The following WDR70 variants were observed in gnomAD, a reference collection of about 807,000 sequenced individuals.
The protein encoded by WDR70 is WD repeat-containing protein 70.
Under a neutral mutation model 88.6 loss-of-function variants are expected in WDR70, and 53 were observed. The observed-to-expected ratio is 0.60, with a 90% CI of 0.48 to 0.75. The LOEUF (loss-of-function observed/expected upper bound fraction) is 0.75, where lower values mean the gene tolerates loss of function less well. Among genes scored for constraint, WDR70 ranks in the 30% least tolerant of loss-of-function variants. WDR70 has a pLI of 0.00. For missense variants in WDR70, 610 were observed against 823.2 expected (o/e 0.74, Z 3.17); for synonymous variants, 280 against 270.0 (o/e 1.04, Z -0.36).
At position 37,752,672 on chromosome 5, in the gene WDR70, A is replaced by G. The variant is rs571873320; in HGVS notation, c.*99A>G. On this transcript the variant is annotated 3_prime_UTR_variant, in exon 18 of 18. Coordinates refer to ENST00000265107, the MANE Select transcript of WDR70 (RefSeq NM_018034.4). ...TGAAATTAAAAATTCATTTTTATGAACAGGTTTTGTCCTTTGCATTATTGA... is the reference window on the plus strand; with the variant it reads ...TGAAATTAAAAATTCATTTTTATGAGCAGGTTTTGTCCTTTGCATTATTGA... 20 of 902,100 alleles carry G rather than the reference A, an allele frequency of 2.2e-5. No homozygotes were observed. The Admixed American group carries it at 3.3e-4, about 15-fold the overall frequency. 55.9% of individuals were successfully genotyped at this position (902,100 alleles called of 1,614,324 possible). A position where few individuals can be genotyped will look rare whatever the true frequency, so the allele number is the denominator to read the frequency against.
chr5:37,615,528 C>T (rs1322876598), intron 10 of WDR70, among the ~76,000 whole-genome samples: 1 of 152,118 alleles, frequency 6.6e-6, no homozygotes, highest in South Asian at 2.1e-4. Flanking sequence ...TGCAAAGGGA[C>T]GTCATCTTTC....
chr5:37,714,315 T>C (rs1581521305), intron 13 of WDR70, among the ~76,000 whole-genome samples: 1 of 152,316 alleles, frequency 6.6e-6, no homozygotes, highest in East Asian at 1.9e-4. Flanking sequence ...TCTTTATGCC[T>C]ATCTCTGTTG....
chr5:37,531,415 T>G (rs1168259111), intron 9 of WDR70, among the ~76,000 whole-genome samples: 2 of 152,120 alleles, frequency 1.3e-5, no homozygotes, highest in African/African-American at 2.4e-5. Flanking sequence ...CTATCTCATT[T>G]CTTAGGCCTA....
chr5:37,499,289 T>C (rs1046160627), intron 8 of WDR70, among the ~76,000 whole-genome samples: 1 of 151,892 alleles, frequency 6.6e-6, no homozygotes, highest in African/African-American at 2.4e-5. Flanking sequence ...AATTTTTGTA[T>C]TTTTAGTAGA....
chr5:37,540,626 C>T (rs745931935), intron 9 of WDR70, among the ~76,000 whole-genome samples: 10 of 152,204 alleles, frequency 6.6e-5, no homozygotes, highest in Non-Finnish European at 1.2e-4. Context: ...GTGATCCACC[C>T]GCCTCGGCCT....
intron 9 of WDR70, among the ~76,000 whole-genome samples, chr5:37,552,841 C>G (rs148470174): frequency 8.5e-5 from 13 of 152,308 alleles, no homozygotes; most frequent in African/African-American, 2.9e-4. Flanking sequence ...CTCCTGTGAT[C>G]ATTGACACTC....
chr5:37,424,904 C>CA (rs547191717), intron 5 of WDR70, among the ~76,000 whole-genome samples: 1 of 151,656 alleles, frequency 6.6e-6, no homozygotes, highest in Non-Finnish European at 1.5e-5. Context: ...ACAAAACAGA[C>CA]AAAAAAAATC....
chr5:37,743,871 A>G (rs1469903664), intron 17 of WDR70, among the ~76,000 whole-genome samples: 1 of 152,170 alleles, frequency 6.6e-6, no homozygotes, highest in Non-Finnish European at 1.5e-5. Flanking sequence ...GGCAGCCCAG[A>G]CGAGTGGGTT....
intron 7 of WDR70, 29 bp downstream of exon 7, chr5:37,443,401 T>C (rs777482808): frequency 5.6e-6 from 9 of 1,611,948 alleles, no homozygotes; most frequent in Admixed American, 3.4e-5. Flanking sequence ...AATATCTTCA[T>C]ATTTGACCTA....
At chr5:37,490,420 T>C (rs987871962) in intron 8 of WDR70, among the ~76,000 whole-genome samples, 1 of 152,032 alleles carries the variant, frequency 6.6e-6, no homozygotes, top group Non-Finnish European at 1.5e-5. Flanking sequence ...ATGCCAGTGG[T>C]AGCCATCCCA....
chr5:37,475,850 T>G (rs1021998715), intron 7 of WDR70, among the ~76,000 whole-genome samples: 80 of 150,082 alleles, frequency 5.3e-4, no homozygotes, highest in African/African-American at 1.9e-3. Flanking sequence ...CATATTTTTT[T>G]TTTTTTTTTT....
chr5:37,643,136 CTTTAA>C lies in WDR70; in HGVS notation c.1092+37902_1092+37906del, dbSNP rs545108235. Among the ~76,000 whole-genome samples the C allele has an allele frequency of 3.3e-5, 5 of 152,116 alleles. No individual in the cohort carries two copies. In the South Asian group the frequency reaches 1.0e-3, roughly 32 times the overall value. On this transcript the variant is annotated intron_variant, in intron 10 of 17. Coordinates refer to ENST00000265107, the MANE Select transcript of WDR70 (RefSeq NM_018034.4). The stretch of plus-strand genomic sequence containing the variant: ...ATAATTTGAGATCTTAGACTTAAGT[CTTTAA>C]TTTTTTATTTGGTTGTTGTATATGC...
intron 5 of WDR70, among the ~76,000 whole-genome samples, chr5:37,435,849 C>A (rs1188988735): frequency 6.6e-6 from 1 of 151,996 alleles, no homozygotes; most frequent in Non-Finnish European, 1.5e-5. Context: ...GCCATTTATT[C>A]ATTTCTAAAA....
chr5:37,394,062 T>G (rs1023435340), intron 4 of WDR70, among the ~76,000 whole-genome samples: 1 of 151,960 alleles, frequency 6.6e-6, no homozygotes, highest in Admixed American at 6.6e-5. Context: ...ATCCCAGCAC[T>G]TTGGGAGGCC....
intron 7 of WDR70, among the ~76,000 whole-genome samples, chr5:37,463,985 A>T (rs1186439410): frequency 6.6e-6 from 1 of 152,230 alleles, no homozygotes; most frequent in Non-Finnish European, 1.5e-5. Flanking sequence ...AACAATGTGA[A>T]TATTAGTGTG....
chr5:37,620,561 T>C (rs182912860), intron 10 of WDR70, among the ~76,000 whole-genome samples: 1 of 152,326 alleles, frequency 6.6e-6, no homozygotes, highest in East Asian at 1.9e-4. Context: ...CACACAGGCA[T>C]ATATGAAACT....
At chr5:37,550,440 A>G (rs1742110346) in intron 9 of WDR70, among the ~76,000 whole-genome samples, 2 of 152,180 alleles carry the variant, frequency 1.3e-5, no homozygotes, top group Non-Finnish European at 1.5e-5. Context: ...AAAAGAATGT[A>G]TATTCTATAG....
chr5:37,560,811 T>A (rs566200154), intron 9 of WDR70, among the ~76,000 whole-genome samples: 45 of 145,538 alleles, frequency 3.1e-4, no homozygotes, highest in African/African-American at 9.7e-4. Flanking sequence ...AGAAGCAGAT[T>A]TTTTTTTTTT....
chr5:37,649,398 G>C (rs956698204), intron 10 of WDR70, among the ~76,000 whole-genome samples: 3 of 150,648 alleles, frequency 2.0e-5, no homozygotes, highest in African/African-American at 4.9e-5. Flanking sequence ...CTGTACATAT[G>C]GAAGTAACAT....
Sources: gnomAD v4.1 joint callset for allele counts (sites outside exome capture counted in the v4.1 genomes callset) on GRCh38, gnomAD v4.1.1 for gene constraint, MANE v1.5 for transcripts, NCBI Gene and HGNC (gene_info 2026-07-23, HGNC 2026-07-21) for gene names.